SHTN1: variants seen among roughly 807,000 people sequenced by gnomAD.
The protein encoded by SHTN1 is shootin 1.
Under a neutral mutation model 83.1 loss-of-function variants are expected in SHTN1, and 42 were observed. That is an observed-to-expected ratio of 0.51 (90% confidence interval 0.39 to 0.65). The LOEUF is 0.65. Among genes scored for constraint, SHTN1 ranks in the 30% least tolerant of loss-of-function variants. The pLI is 0.00. For missense variants in SHTN1, 622 were observed against 737.8 expected (o/e 0.84, Z 1.82); for synonymous variants, 224 against 247.7 (o/e 0.90, Z 0.90).
At chr10:116,897,181 T>C (rs1055727105) in intron 16 of SHTN1, among the ~76,000 whole-genome samples, 1 of 152,220 alleles carries the variant, frequency 6.6e-6, no homozygotes, top group African/African-American at 2.4e-5. Flanking sequence ...AGGGCTGCAA[T>C]GGGTATGTTG....
chr10:117,100,972 G>A (rs923865447), intron 1 of SHTN1, among the ~76,000 whole-genome samples: 7 of 152,168 alleles, frequency 4.6e-5, no homozygotes, highest in Non-Finnish European at 8.8e-5. Context: ...GTCACATTAT[G>A]CAGAACCTTA....
At chr10:117,075,157 A>G (rs930486000) in intron 1 of SHTN1, among the ~76,000 whole-genome samples, 2 of 152,152 alleles carry the variant, frequency 1.3e-5, no homozygotes, top group South Asian at 4.1e-4. Context: ...TCCTTTCCCC[A>G]GAGTTTCAAC....
At chr10:116,947,943 T>C (rs1204117860) in intron 7 of SHTN1, among the ~76,000 whole-genome samples, 1 of 152,122 alleles carries the variant, frequency 6.6e-6, no homozygotes, top group African/African-American at 2.4e-5. Flanking sequence ...GTCCTTTATT[T>C]ACAAAAAAAA....
At chr10:117,108,378 TA>T (rs1170959854) in intron 1 of SHTN1, among the ~76,000 whole-genome samples, 1 of 151,594 alleles carries the variant, frequency 6.6e-6, no homozygotes, top group Non-Finnish European at 1.5e-5. Context: ...TATGCAGCCA[TA>T]AAAAAGGATG....
intron 2 of SHTN1, among the ~76,000 whole-genome samples, chr10:117,021,894 A>T (rs1852268298): frequency 6.6e-6 from 1 of 152,192 alleles, no homozygotes; most frequent in Non-Finnish European, 1.5e-5. Context: ...CCGGTTATTT[A>T]ATCACTTTAT....
chr10:116,906,622 C>T lies in SHTN1; in HGVS notation c.1480+5G>A. On this transcript the variant is annotated splice_donor_5th_base_variant and intron_variant, in intron 15 of 16. Transcript: ENST00000355371. ...AAGGACTGTGGAGAATTCAAACCGG[C>T]TTACTACTGCTATCTGCTTCTGCTG... 1.2e-6 allele frequency: 2 copies of T among 1,609,632 alleles called. No homozygotes were observed. The highest frequency in any genetic ancestry group is 1.7e-6 in the Non-Finnish European group (2 of 1,177,982).
At chr10:117,089,466 C>T (rs1853397771) in intron 1 of SHTN1, among the ~76,000 whole-genome samples, 1 of 152,114 alleles carries the variant, frequency 6.6e-6, no homozygotes, top group Non-Finnish European at 1.5e-5. Flanking sequence ...AAGACCTGAA[C>T]TTGAGACTTA....
At chr10:116,950,977 T>C (rs2133419824) in intron 6 of SHTN1, among the ~76,000 whole-genome samples, 1 of 152,314 alleles carries the variant, frequency 6.6e-6, no homozygotes, top group South Asian at 2.1e-4. Context: ...TTTATCAAGC[T>C]GCAGTTGGCA....
chr10:117,015,662 A>G (rs1852171604), intron 2 of SHTN1, among the ~76,000 whole-genome samples: 1 of 151,808 alleles, frequency 6.6e-6, no homozygotes, highest in Admixed American at 6.6e-5. Context: ...AAATCCAGCC[A>G]CTATCTACAC....
At chr10:116,920,137 A>G (rs571438251) in intron 12 of SHTN1, among the ~76,000 whole-genome samples, 1 of 152,320 alleles carries the variant, frequency 6.6e-6, no homozygotes, top group South Asian at 2.1e-4. Context: ...ATGCATGGTA[A>G]TGAGCTACTC....
chr10:116,911,381 T>C, intron 14 of SHTN1: 3 of 1,333,982 alleles, frequency 2.2e-6, no homozygotes, highest in Non-Finnish European at 3.0e-6. Context: ...ATGAAGCTAT[T>C]TGGGGAGGAA....
At chr10:117,006,327 G>A (rs1234328785), upstream of SHTN1, among the ~76,000 whole-genome samples, 1 of 151,718 alleles carries the variant, frequency 6.6e-6, no homozygotes, top group Non-Finnish European at 1.5e-5. Flanking sequence ...AGCACTTTGG[G>A]AGGCCAAGGC....
In SHTN1 at chr10:116,954,031, A is replaced by G; in HGVS notation, c.436+11T>C. On this transcript the variant is annotated intron_variant, in intron 5 of 16. Coordinates refer to ENST00000355371, the MANE Select transcript of SHTN1 (RefSeq NM_001127211.3). ...AAAAAATATGCTCAATAATTAAGCA[A>G]AGAGTTCTACCTTTAATTTGCTTCT... The G allele has an allele frequency of 6.3e-7, 1 of 1,599,964 alleles. No individual in the cohort carries two copies. Among genetic ancestry groups the G allele is most frequent in the Non-Finnish European group, 8.5e-7 (1 of 1,174,958 alleles).
At chr10:116,953,273 A>G (rs990828120) in intron 5 of SHTN1, among the ~76,000 whole-genome samples, 4 of 152,188 alleles carry the variant, frequency 2.6e-5, no homozygotes, top group African/African-American at 9.6e-5. Context: ...CTTGCCTTAC[A>G]ACACTACTTG....
At chr10:116,906,805 G>A (rs537886399) in intron 14 of SHTN1, 58 bp from the exon 15 acceptor site, 100 of 1,353,806 alleles carry the variant, frequency 7.4e-5, no homozygotes, top group Non-Finnish European at 9.4e-5. Flanking sequence ...ATATACAAAA[G>A]AATATAAAAA....
chr10:117,089,039 A>G (rs1197501499), intron 1 of SHTN1, among the ~76,000 whole-genome samples: 1 of 152,198 alleles, frequency 6.6e-6, no homozygotes, highest in Non-Finnish European at 1.5e-5. Context: ...TGGCACATTA[A>G]TAGGGCTGTA....
At chr10:116,900,272 ATAAAT>A (rs1409052584) in intron 16 of SHTN1, 1 of 469,962 alleles carries the variant, frequency 2.1e-6, no homozygotes, top group Non-Finnish European at 3.8e-6. Flanking sequence ...CTTTAAGTAG[ATAAAT>A]TAAACTGGAA....
At chr10:116,980,561 C>A (rs971205153) in intron 1 of SHTN1, among the ~76,000 whole-genome samples, 1 of 151,106 alleles carries the variant, frequency 6.6e-6, no homozygotes, top group Non-Finnish European at 1.5e-5. Context: ...AAAAAAAAAC[C>A]CTCAGTTTTT....
chr10:117,045,064 T>G (rs1271922757), intron 2 of SHTN1, among the ~76,000 whole-genome samples: 1 of 152,210 alleles, frequency 6.6e-6, no homozygotes, highest in Non-Finnish European at 1.5e-5. Flanking sequence ...CCATCTTTGA[T>G]GAGTATTAGT....
Sources: gnomAD v4.1 joint callset for allele counts (sites outside exome capture counted in the v4.1 genomes callset) on GRCh38, gnomAD v4.1.1 for gene constraint, MANE v1.5 for transcripts, NCBI Gene and HGNC (gene_info 2026-07-23, HGNC 2026-07-21) for gene names.